The following FLG variants were observed in gnomAD, a reference collection of about 807,000 sequenced individuals.
The protein encoded by FLG is filaggrin.
FLG carries 6 observed loss-of-function variants against 3.8 expected under a neutral mutation model. The ratio of observed to expected loss-of-function variants is 1.60; its 90% CI spans 0.87 to 3.15. FLG has a LOEUF of 3.15. Ranked by LOEUF, FLG falls within the 30% of genes most tolerant of loss-of-function variation. The pLI is 0.00. For missense variants in FLG, 7,595 were observed against 5,050.9 expected (o/e 1.50, Z -15.27); for synonymous variants, 2,551 against 1,931.6 (o/e 1.32, Z -8.41).
At position 152,314,705 on chromosome 1, in the gene FLG, A is replaced by G; in HGVS notation, c.181T>C (p.Leu61=). The G allele has an allele frequency of 6.2e-7, 1 of 1,613,976 alleles. No individual in the cohort carries two copies. ...PDMVDVFMDH[L]DIDHNKKIDF... ...ATTTTCTTGTTGTGGTCTATATCCA[A>G]GTGATCCATGAAGACATCAACCATA... The change falls in exon 3 of 3, where the codon TTG becomes CTG. Residue 61 remains leucine, a synonymous_variant. Coordinates refer to ENST00000368799, the MANE Select transcript of FLG (RefSeq NM_002016.2).
chr1:152,319,267 T>C (rs1276874059), intron 1 of FLG, among the ~76,000 whole-genome samples: 2 of 150,624 alleles, frequency 1.3e-5, no homozygotes, highest in Admixed American at 1.3e-4. Context: ...CTTTGTGCAA[T>C]TGTTTATTAG....
In FLG at chr1:152,309,451, G is replaced by A. The variant is rs1652235540; in HGVS notation, c.5435C>T (p.Thr1812Ile). ...RHSASQEGQD[T>I]IRGHPGSSRG... is the part of the protein sequence containing the mutation. ...GCTTGACCCTGGGTGTCCACGAATG[G>A]TGTCCTGACCCTCTTGGGACGCTGA... The change falls in exon 3 of 3, where the codon ACC (threonine) becomes ATC (isoleucine). Residue 1812 changes from threonine (T) to isoleucine (I), a missense_variant. Physicochemically the swap from Thr to Ile is moderately conservative, Grantham distance 89. Transcript: ENST00000368799. 6.2e-7 allele frequency: 1 copy of A among 1,613,256 alleles called. No homozygotes were observed. Among genetic ancestry groups the A allele is most frequent in the Non-Finnish European group, 8.5e-7 (1 of 1,179,940 alleles).
chr1:152,311,368 C>A lies in FLG; in HGVS notation c.3518G>T (p.Arg1173Ile), dbSNP rs1412233135. ...ATGGTGGGATCCCTGCCTTCCTCCT[C>A]TCCTTGACCCCGGGTGTGCACGAAT... Reference protein sequence around the residue: ...DTIRAHPGSRRGGRQGSHHEQ... With the variant: ...DTIRAHPGSRIGGRQGSHHEQ... The change falls in exon 3 of 3, where the codon AGA becomes ATA. Residue 1173 changes from arginine (R) to isoleucine (I), a missense_variant. Transcript: ENST00000368799. 1 of 1,613,776 alleles carries A rather than the reference C, an allele frequency of 6.2e-7. No homozygotes were observed. Among genetic ancestry groups the A allele is most frequent in the East Asian group, 2.2e-5 (1 of 44,822 alleles).
At position 152,303,407 on chromosome 1, in the gene FLG, C is replaced by A. The variant is rs140464988; in HGVS notation, c.11479G>T (p.Gly3827Trp). ...GTGGAAGCTTCATGGTGACGCGACC[C>A]TGAGTGCCTGGAGCCGTCTCCTGAC... is the stretch of plus-strand genomic sequence containing the variant. ...EQSGDGSRHS[G>W]SRHHEASTQA... is the part of the protein sequence containing the mutation. The change falls in exon 3 of 3, where the codon GGG becomes TGG. Residue 3827 changes from glycine (G) to tryptophan (W), a missense_variant. Gly to Trp is a radical substitution (Grantham distance 184, BLOSUM62 -2). Coordinates refer to ENST00000368799, the MANE Select transcript of FLG (RefSeq NM_002016.2). 8.3e-4 allele frequency: 1,332 copies of A among 1,614,084 alleles called. 3 individuals are homozygous for A. The highest frequency in any genetic ancestry group is 5.6e-3 in the Middle Eastern group (34 of 6,062).
At chr1:152,316,906 T>A (rs1302719171) in intron 1 of FLG, among the ~76,000 whole-genome samples, 1 of 152,110 alleles carries the variant, frequency 6.6e-6, no homozygotes, top group Non-Finnish European at 1.5e-5. Context: ...TTCAACAACT[T>A]CTTCTTTCCT....
At position 152,303,839 on chromosome 1, in the gene FLG, C is replaced by A; in HGVS notation, c.11047G>T (p.Gly3683Ter). Reference protein sequence around the residue: ...DSDTQSVSAHGQAGPHQQSHQ... With the variant: ...DSDTQSVSAH ...CTCTGCTGATGGGGCCCAGCCTGTC[C>A]GTGGGCTGACACTGACTGTGTGTCT... Residue 3683 changes from glycine to a stop codon, truncating the protein, a stop_gained, in exon 3 of 3, where the codon GGA becomes TGA. Transcript: ENST00000368799. LOFTEE classifies it low-confidence loss of function (END_TRUNC). 6 of 1,613,808 alleles carry A rather than the reference C, an allele frequency of 3.7e-6. No individual in the cohort carries two copies. Among genetic ancestry groups the A allele is most frequent in the Non-Finnish European group, 5.1e-6 (6 of 1,179,912 alleles).
intron 1 of FLG, among the ~76,000 whole-genome samples, chr1:152,315,976 T>G (rs896721666): frequency 6.6e-6 from 1 of 152,212 alleles, no homozygotes; most frequent in African/African-American, 2.4e-5. Flanking sequence ...TTTAAACATT[T>G]CATGAAGTTT....
rs1326364962 is a variant in FLG at position 152,312,164 on chromosome 1, G to T, written c.2722C>A (p.His908Asn). ...NEEQSRDGSR[H>N]SGSRHHEASS... ...GCTTCATGGTGACGTGACCCTGAGT[G>T]CCTGGAGCCGTCTCTTGATTGTTCC... Residue 908 changes from histidine to asparagine, a missense_variant, in exon 3 of 3, where the codon CAC becomes AAC. Transcript: ENST00000368799. 9.9e-6 allele frequency: 16 copies of T among 1,613,944 alleles called. No homozygotes were observed. The highest frequency in any genetic ancestry group is 1.4e-5 in the Non-Finnish European group (16 of 1,180,028).
In FLG at chr1:152,308,623, C is replaced by G. The variant is rs1401127947; in HGVS notation, c.6263G>C (p.Gly2088Ala). 1.2e-6 allele frequency: 2 copies of G among 1,614,058 alleles called. No homozygotes were observed. The highest frequency in any genetic ancestry group is 1.7e-5 in the Admixed American group (1 of 59,998). The change falls in exon 3 of 3, where the codon GGG becomes GCG. Residue 2088 changes from glycine to alanine, a missense_variant. Coordinates refer to ENST00000368799, the MANE Select transcript of FLG (RefSeq NM_002016.2). ...GQSGESSGRSGSFLYQVSTHE... is the reference protein window; with the variant it reads ...GQSGESSGRSASFLYQVSTHE... ...AGTGCTCACCTGGTAGAGGAAAGAC[C>G]CTGAACGTCCAGAGCTTTCCCCTGA...
chr1:152,304,186 G>C lies in FLG; in HGVS notation c.10700C>G (p.Ala3567Gly), dbSNP rs763038377. The change falls in exon 3 of 3, where the codon GCT becomes GGT. Residue 3567 changes from alanine to glycine, a missense_variant. Coordinates refer to ENST00000368799, the MANE Select transcript of FLG (RefSeq NM_002016.2). ...GSASRNHRGS[A>G]QEQSRDGSRH... ...GGAGCCATCTCTTGACTGCTCCTGAGCAGATCCACGATGGTTTCTGGAAGC... is the reference window on the plus strand; with the variant it reads ...GGAGCCATCTCTTGACTGCTCCTGACCAGATCCACGATGGTTTCTGGAAGC... The C allele has an allele frequency of 1.9e-6, 3 of 1,609,508 alleles. No homozygotes were observed. In the South Asian group the frequency reaches 3.3e-5, roughly 18 times the overall value.
rs201858426 is a variant in FLG, at chr1:152,304,456, C to T, written c.10430G>A (p.Arg3477His). 264 of 1,612,192 alleles carry T rather than the reference C, an allele frequency of 1.6e-4. 7 individuals carry two copies. Among genetic ancestry groups the T allele is most frequent in the African/African-American group, 2.4e-4 (18 of 74,790 alleles). The change falls in exon 3 of 3, where the codon CGT (arginine) becomes CAT (histidine). Residue 3477 changes from arginine to histidine, a missense_variant. Arg to His is a conservative substitution (Grantham distance 29). Transcript: ENST00000368799. The part of the protein sequence containing the change: ...TTSQGRSDAS[R>H]GQSGSRSASR... ...GGCACTTCTGGATCCTGACTGCCCA[C>T]GGGAGGCATCAGACCTTCCCTGGGA...
chr1:152,324,021 A>G lies in FLG; in HGVS notation c.-22+1168T>C, dbSNP rs534595667. Reference sequence around the variant, plus strand: ...AAATGGATAGATTTGGCAGGTTTGTAGGCAGAGTTGACTGGACGTGGTGAT... The same window carrying G: ...AAATGGATAGATTTGGCAGGTTTGTGGGCAGAGTTGACTGGACGTGGTGAT... On this transcript the variant is annotated intron_variant, in intron 1 of 2. Transcript: ENST00000368799. 2.0e-5 allele frequency among the ~76,000 whole-genome samples: 3 copies of G among 151,968 alleles called. No individual in the cohort carries two copies. In the East Asian group the frequency reaches 5.8e-4, roughly 29 times the overall value.
chr1:152,309,374 G>T lies in FLG; in HGVS notation c.5512C>A (p.His1838Asn), dbSNP rs1481656276. 4 of 1,613,712 alleles carry T rather than the reference G, an allele frequency of 2.5e-6. No homozygotes were observed. The Admixed American group carries it at 5.0e-5, about 20-fold the overall frequency. Residue 1838 changes from histidine (H) to asparagine (N), a missense_variant, in exon 3 of 3, where the codon CAC becomes AAC. Physicochemically the swap from His to Asn is moderately conservative, Grantham distance 68. Coordinates refer to ENST00000368799, the MANE Select transcript of FLG (RefSeq NM_002016.2). ...HYEQSVDSSG[H>N]SGSHHSHTTS... ...GTGTGGCTGTGATGAGACCCTGAGT[G>T]TCCAGAACTATCTACCGATTGCTCA...
At chr1:152,319,206 G>T (rs1652878306) in intron 1 of FLG, among the ~76,000 whole-genome samples, 1 of 150,600 alleles carries the variant, frequency 6.6e-6, no homozygotes, top group Admixed American at 6.6e-5. Context: ...GAGACTAGAT[G>T]ATATTTTTTG....
Position 152,311,444 on chromosome 1 carries a change from G to A in FLG, c.3442C>T (p.Gln1148Ter). Residue 1148 changes from glutamine to a stop codon, truncating the protein, a stop_gained, in exon 3 of 3, where the codon CAG becomes TAG. Transcript: ENST00000368799. LOFTEE classifies it low-confidence loss of function (END_TRUNC). ...TGRRQGSHHE[Q>*]ARDSSRHSAS... is the part of the protein sequence containing the mutation. Reference sequence around the variant, plus strand: ...GAGTGCCTGGAGCTGTCTCGTGCCTGCTCGTGGTGGGATCCTTGTCTTCGT... The same window carrying A: ...GAGTGCCTGGAGCTGTCTCGTGCCTACTCGTGGTGGGATCCTTGTCTTCGT... 2 of 1,614,004 alleles carry A rather than the reference G, an allele frequency of 1.2e-6. No homozygotes were observed. Among genetic ancestry groups the A allele is most frequent in the Non-Finnish European group, 1.7e-6 (2 of 1,179,986 alleles).
rs780133802 is a variant in FLG at position 152,311,307 on chromosome 1, G to A, written c.3579C>T (p.Ser1193=). The A allele has an allele frequency of 3.7e-6, 6 of 1,613,626 alleles. No individual in the cohort carries two copies. The African/African-American group carries it at 4.0e-5, about 11-fold the overall frequency. ...CCTGGGATGTGGTGTGGCTGTGATG[G>A]GACCCTGAGTGTCCAGATCTATCTA... The part of the protein sequence containing the change: ...QSVDRSGHSG[S]HHSHTTSQGR... The change falls in exon 3 of 3, where the codon TCC becomes TCT. Residue 1193 remains serine (S), a synonymous_variant. Coordinates refer to ENST00000368799, the MANE Select transcript of FLG (RefSeq NM_002016.2).
Position 152,308,238 on chromosome 1 carries a change from C to T in FLG, c.6648G>A (p.Trp2216Ter), listed in dbSNP as rs761892041. 9.3e-6 allele frequency: 15 copies of T among 1,613,814 alleles called. No individual in the cohort carries two copies. The highest frequency in any genetic ancestry group is 3.3e-5 in the Admixed American group (2 of 59,986). Residue 2216 changes from tryptophan to a stop codon, truncating the protein, a stop_gained, in exon 3 of 3, where the codon TGG becomes TGA. Transcript: ENST00000368799. LOFTEE classifies it low-confidence loss of function (END_TRUNC). Reference sequence around the variant, plus strand: ...CCAGTGAGTGTCTAGAGCTGTCGGCCCAAGAGGAAGCTTCATGATGATGCG... The same window carrying T: ...CCAGTGAGTGTCTAGAGCTGTCGGCTCAAGAGGAAGCTTCATGATGATGCG... ...SGSHHHEASS[W>*]ADSSRHSLVG...
chr1:152,304,673 T>C lies in FLG; in HGVS notation c.10213A>G (p.Thr3405Ala). ...QSESAHGRTR[T>A]STGRRQGSHH... Reference sequence around the variant, plus strand: ...GATCCTTGTCTTCGTCCAGTGCTGGTCCTGGTCCGCCCATGGGCAGACTCA... The same window carrying C: ...GATCCTTGTCTTCGTCCAGTGCTGGCCCTGGTCCGCCCATGGGCAGACTCA... Residue 3405 changes from threonine (T) to alanine (A), a missense_variant, in exon 3 of 3, where the codon ACC becomes GCC. Transcript: ENST00000368799. The C allele has an allele frequency of 6.2e-7, 1 of 1,603,184 alleles. No individual in the cohort carries two copies. The highest frequency in any genetic ancestry group is 8.5e-7 in the Non-Finnish European group (1 of 1,174,114).
In FLG at chr1:152,314,186, C is replaced by G. The variant is rs1332376453; in HGVS notation, c.700G>C (p.Ala234Pro). The G allele has an allele frequency of 1.2e-6, 2 of 1,614,056 alleles. No individual in the cohort carries two copies. Among genetic ancestry groups the G allele is most frequent in the East Asian group, 4.5e-5 (2 of 44,866 alleles). Residue 234 changes from alanine to proline, a missense_variant, in exon 3 of 3, where the codon GCC becomes CCC. Physicochemically the swap from Ala to Pro is conservative, Grantham distance 27. Transcript: ENST00000368799. Reference sequence around the variant, plus strand: ...TCATCCTGGATTGTGTAATATGTGGCAATATGGCCTGATTGTATCCATTTT... The same window carrying G: ...TCATCCTGGATTGTGTAATATGTGGGAATATGGCCTGATTGTATCCATTTT... ...TQKWIQSGHI[A>P]TYYTIQDEAY...
Sources: gnomAD v4.1 joint callset for allele counts (sites outside exome capture counted in the v4.1 genomes callset) on GRCh38, gnomAD v4.1.1 for gene constraint, MANE v1.5 for transcripts, NCBI Gene and HGNC (gene_info 2026-07-23, HGNC 2026-07-21) for gene names.